NFIB: variants seen among roughly 807,000 people sequenced by gnomAD.
NFIB encodes nuclear factor 1 B-type.
A neutral mutation model predicts 61.5 loss-of-function variants in NFIB; 11 were observed. The ratio of observed to expected loss-of-function variants is 0.18; its 90% CI spans 0.11 to 0.30. NFIB has a LOEUF of 0.30. Among genes scored for constraint, NFIB ranks in the 10% least tolerant of loss-of-function variants. The pLI is 1.00. For missense variants in NFIB, 471 were observed against 608.9 expected, an observed-to-expected ratio of 0.77 and a Z score of 2.38; for synonymous variants, 260 against 216.5, an observed-to-expected ratio of 1.20 and a Z score of -1.76.
chr9:14,443,278 C>A, the NFIB span, among the ~76,000 whole-genome samples: 2 of 152,150 alleles, frequency 1.3e-5, no homozygotes, highest in Non-Finnish European at 2.9e-5. Context: ...CATCCTCCAT[C>A]CTCAGCTATT....
chr9:14,480,034 T>C, the NFIB span, among the ~76,000 whole-genome samples: 2 of 151,510 alleles, frequency 1.3e-5, no homozygotes, highest in Non-Finnish European at 2.9e-5. Context: ...AAAGGTTTTT[T>C]TTTGTTTTGT....
intron 10 of NFIB, among the ~76,000 whole-genome samples, chr9:14,090,269 CG>C (rs2033667499): frequency 6.6e-6 from 1 of 152,030 alleles, no homozygotes; most frequent in Non-Finnish European, 1.5e-5. Context: ...GATGAAAAAT[CG>C]TAACTCTTAA....
intron 2 of NFIB, among the ~76,000 whole-genome samples, chr9:14,301,407 A>G (rs893485463): frequency 5.3e-5 from 8 of 152,248 alleles, no homozygotes; most frequent in Admixed American, 2.0e-4. Flanking sequence ...ACTATTTTTC[A>G]TTACAAAATT....
At position 14,313,928 on chromosome 9, in the gene NFIB, T is replaced by C; in HGVS notation, c.-417A>G. ...ATTGGGGTGGTGGTTGGTGGTAAAA[T>C]GCTTTTTCAAAAAAGGCGGGGAGGG... is the stretch of plus-strand genomic sequence containing the variant. On this transcript the variant is annotated 5_prime_UTR_variant, in exon 1 of 11. Transcript: ENST00000380953. This position sits in a 1 kb window ranked among gnomAD's most constrained non-coding sequence, Gnocchi z 4.5. 1 of 1,042,358 alleles carries C rather than the reference T, an allele frequency of 9.6e-7. No individual in the cohort carries two copies. The highest frequency in any genetic ancestry group is 6.4e-5 in the Admixed American group (1 of 15,558). 64.6% of individuals were successfully genotyped at this position (1,042,358 alleles called of 1,614,324 possible). A position where few individuals can be genotyped will look rare whatever the true frequency, so the allele number is the denominator to read the frequency against.
At chr9:14,403,659 A>G (rs563972447), upstream of NFIB, among the ~76,000 whole-genome samples, 7 of 152,296 alleles carry the variant, frequency 4.6e-5, no homozygotes, top group South Asian at 1.5e-3. Flanking sequence ...TCTTATGAAA[A>G]TAATACAGGA....
At chr9:14,494,607 ACTT>A in the NFIB span, among the ~76,000 whole-genome samples, 1 of 152,112 alleles carries the variant, frequency 6.6e-6, no homozygotes, top group African/African-American at 2.4e-5. Flanking sequence ...CATGGTTCTT[ACTT>A]CTTCTCTTAT....
the NFIB span, among the ~76,000 whole-genome samples, chr9:14,443,833 G>C: frequency 6.6e-6 from 1 of 152,124 alleles, no homozygotes. Flanking sequence ...TATTCTCACT[G>C]CTGAGCATAC....
the NFIB span, among the ~76,000 whole-genome samples, chr9:14,427,805 A>G: frequency 1.3e-5 from 2 of 152,038 alleles, no homozygotes; most frequent in African/African-American, 2.4e-5. Flanking sequence ...TGGTATAAGC[A>G]GGAAATTTGA....
chr9:14,344,904 A>C (rs890624551), intron 1 of NFIB, among the ~76,000 whole-genome samples: 5 of 152,212 alleles, frequency 3.3e-5, no homozygotes, highest in Non-Finnish European at 7.3e-5. Flanking sequence ...TGAGGGTTTA[A>C]ATAACCAGCA....
intron 10 of NFIB, among the ~76,000 whole-genome samples, chr9:14,107,514 A>C (rs2036743691): frequency 6.6e-6 from 1 of 152,140 alleles, no homozygotes; most frequent in African/African-American, 2.4e-5. Flanking sequence ...AAGTATTAGA[A>C]AATGAAAGAT....
At chr9:14,154,958 C>T (rs1229409638) in intron 4 of NFIB, among the ~76,000 whole-genome samples, 1 of 152,048 alleles carries the variant, frequency 6.6e-6, no homozygotes, top group Non-Finnish European at 1.5e-5. Context: ...AAATATGACC[C>T]AAATGAGAAA....
At chr9:14,505,991 A>G in the NFIB span, among the ~76,000 whole-genome samples, 1 of 152,204 alleles carries the variant, frequency 6.6e-6, no homozygotes, top group South Asian at 2.1e-4. Context: ...GTATTACACA[A>G]TCGTTATAAT....
In NFIB at chr9:14,307,797, C is replaced by A; in HGVS notation, c.31-277G>T. The A allele has an allele frequency of 3.5e-6, 1 of 287,372 alleles. No individual in the cohort carries two copies. Among genetic ancestry groups the A allele is most frequent in the Non-Finnish European group, 6.5e-6 (1 of 153,356 alleles). 17.8% of individuals were successfully genotyped at this position (287,372 alleles called of 1,614,324 possible). A position where few individuals can be genotyped will look rare whatever the true frequency, so the allele number is the denominator to read the frequency against. ...TTTTGTATTACACTCTGGCCCCATCCCCCTTGTTTCCACCCCAATGCCATG... is the reference window on the plus strand; with the variant it reads ...TTTTGTATTACACTCTGGCCCCATCACCCTTGTTTCCACCCCAATGCCATG... On this transcript the variant is annotated intron_variant, in intron 1 of 10. Coordinates refer to ENST00000380953, the MANE Select transcript of NFIB (RefSeq NM_001190737.2). This position sits in a 1 kb window ranked among gnomAD's most constrained non-coding sequence, Gnocchi z 5.3.
intron 2 of NFIB, among the ~76,000 whole-genome samples, chr9:14,272,212 G>A (rs1012779816): frequency 2.6e-5 from 4 of 151,964 alleles, no homozygotes; most frequent in Admixed American, 2.6e-4. Flanking sequence ...ACATATTTCT[G>A]GAACTTGCAA....
rs2118461246 is a variant in NFIB at position 14,088,169 on chromosome 9, T to C, written c.*140A>G. On this transcript the variant is annotated 3_prime_UTR_variant, in exon 11 of 11. Transcript: ENST00000380953. ...TTTTTTTATTTAAAAAAAAAATTTC[T>C]TAAACTATTGTTGTGTTTCTTTTTC... 3.5e-6 allele frequency: 5 copies of C among 1,431,884 alleles called. No homozygotes were observed. In the East Asian group the frequency reaches 7.8e-5, roughly 22 times the overall value. 88.7% of individuals were successfully genotyped at this position (1,431,884 alleles called of 1,614,324 possible).
chr9:14,170,269 G>C (rs192860007), intron 3 of NFIB, among the ~76,000 whole-genome samples: 4 of 152,298 alleles, frequency 2.6e-5, no homozygotes, highest in Admixed American at 2.0e-4. Flanking sequence ...AGCTGTATGT[G>C]GCAAAAGCAG....
At chr9:14,122,264 G>T (rs1485960645) in intron 7 of NFIB, among the ~76,000 whole-genome samples, 1 of 152,094 alleles carries the variant, frequency 6.6e-6, no homozygotes, top group African/African-American at 2.4e-5. Flanking sequence ...AATTAAGAAT[G>T]TATAGAATAG....
chr9:14,209,862 G>A (rs541441777), intron 2 of NFIB, among the ~76,000 whole-genome samples: 4 of 151,578 alleles, frequency 2.6e-5, no homozygotes, highest in Non-Finnish European at 5.9e-5. Context: ...CATTTTAAAT[G>A]ACTAGAACTG....
intron 2 of NFIB, among the ~76,000 whole-genome samples, chr9:14,262,236 C>T (rs954475166): frequency 6.6e-6 from 1 of 152,126 alleles, no homozygotes; most frequent in Non-Finnish European, 1.5e-5. Flanking sequence ...GTTTGGCATA[C>T]AGGTGATTTC....
Sources: gnomAD v4.1 joint callset for allele counts (sites outside exome capture counted in the v4.1 genomes callset) on GRCh38, gnomAD v4.1.1 for gene constraint, Gnocchi (gnomAD v3.1) non-coding constraint, MANE v1.5 for transcripts, NCBI Gene and HGNC (gene_info 2026-07-23, HGNC 2026-07-21) for gene names.